The following RBFOX1 variants were observed in gnomAD, a reference collection of about 807,000 sequenced individuals.
RBFOX1 encodes the protein RNA binding protein fox-1 homolog 1.
A neutral mutation model predicts 57.7 loss-of-function variants in RBFOX1; 8 were observed. The ratio of observed to expected loss-of-function variants is 0.14; its 90% CI spans 0.08 to 0.25. The LOEUF (loss-of-function observed/expected upper bound fraction) is 0.25. Ranked by LOEUF, RBFOX1 falls within the 10% of genes least tolerant of loss-of-function variation. RBFOX1 has a pLI of 1.00. For synonymous variants in RBFOX1, 326 were observed against 222.4 expected, an observed-to-expected ratio of 1.47 and a Z score of -4.15; for missense variants, 611 against 548.5, an observed-to-expected ratio of 1.11 and a Z score of -1.14.
intron 4 of RBFOX1, among the ~76,000 whole-genome samples, chr16:7,086,203 T>C (rs2059959500): frequency 6.6e-6 from 1 of 152,184 alleles, no homozygotes; most frequent in Non-Finnish European, 1.5e-5. Flanking sequence ...GTTTACCTAA[T>C]GCTTTTTAAT....
chr16:6,805,834 T>A (rs34809247), intron 3 of RBFOX1, among the ~76,000 whole-genome samples: 32,068 of 152,078 alleles, frequency 0.21, 4,409 homozygotes, highest in Non-Finnish European at 0.31. Context: ...TCAGCATCTA[T>A]CTCCGCCTTT....
intron 3 of RBFOX1, among the ~76,000 whole-genome samples, chr16:5,745,760 A>T (rs1259427637): frequency 6.6e-6 from 1 of 152,122 alleles, no homozygotes; most frequent in Non-Finnish European, 1.5e-5. Context: ...GTGTCTGTTC[A>T]TATCCTTCAC....
intron 1 of RBFOX1, among the ~76,000 whole-genome samples, chr16:6,240,054 G>C (rs78316225): frequency 0.092 from 14,052 of 152,072 alleles, 874 homozygotes; most frequent in African/African-American, 0.17. Flanking sequence ...GAGTTCTCAT[G>C]AGATCTGGTC....
chr16:5,865,293 G>A (rs576491022), intron 3 of RBFOX1, among the ~76,000 whole-genome samples: 16 of 152,226 alleles, frequency 1.1e-4, no homozygotes, highest in African/African-American at 3.9e-4. Flanking sequence ...TGTGCTTTAC[G>A]GATGTGGCTG....
intron 1 of RBFOX1, among the ~76,000 whole-genome samples, chr16:6,047,439 T>C (rs2095506472): frequency 6.6e-6 from 1 of 152,202 alleles, no homozygotes; most frequent in East Asian, 1.9e-4. Context: ...TCCCTTTGAA[T>C]TGTGTTCCCG....
intron 2 of RBFOX1, among the ~76,000 whole-genome samples, chr16:5,517,334 G>A (rs1597373626): frequency 6.6e-6 from 1 of 152,182 alleles, no homozygotes; most frequent in Non-Finnish European, 1.5e-5. Context: ...TTTCTGCTCA[G>A]CTACTTTATT....
intron 3 of RBFOX1, among the ~76,000 whole-genome samples, chr16:5,611,049 A>G (rs1027669815): frequency 2.0e-5 from 3 of 151,878 alleles, no homozygotes; most frequent in African/African-American, 7.3e-5. Context: ...CTGTTTCCAT[A>G]TCTCCCCAGC....
intron 4 of RBFOX1, among the ~76,000 whole-genome samples, chr16:7,119,450 C>G (rs1205743358): frequency 6.6e-6 from 1 of 152,188 alleles, no homozygotes; most frequent in Middle Eastern, 3.4e-3. Flanking sequence ...AACTAGTAAA[C>G]TGACCACTGA....
chr16:6,841,179 G>C (rs891776122), intron 3 of RBFOX1, among the ~76,000 whole-genome samples: 1 of 152,012 alleles, frequency 6.6e-6, no homozygotes, highest in East Asian at 1.9e-4. Context: ...AGCCTGAACA[G>C]ACTAAGACAA....
At chr16:7,590,581 C>T (rs1215457999) in intron 7 of RBFOX1, among the ~76,000 whole-genome samples, 2 of 151,964 alleles carry the variant, frequency 1.3e-5, no homozygotes, top group Non-Finnish European at 2.9e-5. Context: ...GATATCTGGC[C>T]GTGTGCGGTG....
At chr16:6,455,836 C>T (rs952497139) in intron 2 of RBFOX1, among the ~76,000 whole-genome samples, 1 of 152,060 alleles carries the variant, frequency 6.6e-6, no homozygotes, top group South Asian at 2.1e-4. Flanking sequence ...GGTGCAGATT[C>T]AATAAACCAT....
chr16:5,999,508 G>A (rs899281648), intron 4 of RBFOX1, among the ~76,000 whole-genome samples: 1 of 152,102 alleles, frequency 6.6e-6, no homozygotes, highest in African/African-American at 2.4e-5. Flanking sequence ...ACATGCTAAG[G>A]CTTTATAAAG....
At chr16:7,549,102 G>A (rs2085522213) in intron 5 of RBFOX1, among the ~76,000 whole-genome samples, 1 of 152,246 alleles carries the variant, frequency 6.6e-6, no homozygotes, top group Non-Finnish European at 1.5e-5. Flanking sequence ...TAAGTATGAG[G>A]AGGATCCAGT....
chr16:6,845,882 C>A (rs1020278574), intron 3 of RBFOX1, among the ~76,000 whole-genome samples: 2 of 152,180 alleles, frequency 1.3e-5, no homozygotes, highest in African/African-American at 2.4e-5. Context: ...CCTTCTGATT[C>A]TTTATATCTC....
intron 4 of RBFOX1, among the ~76,000 whole-genome samples, chr16:7,182,265 A>T (rs1281861860): frequency 7.2e-5 from 11 of 152,106 alleles, no homozygotes; most frequent in African/African-American, 2.7e-4. Context: ...GTAAACAGTG[A>T]TGCTCCTCTA....
chr16:7,311,075 GC>G (rs1288095259), intron 4 of RBFOX1, among the ~76,000 whole-genome samples: 10 of 152,122 alleles, frequency 6.6e-5, no homozygotes, highest in African/African-American at 2.4e-4. Context: ...TCTTTGTGAT[GC>G]TTTTTTTTCC....
chr16:7,616,138 T>C (rs1433000781), intron 10 of RBFOX1, among the ~76,000 whole-genome samples: 1 of 152,220 alleles, frequency 6.6e-6, no homozygotes, highest in African/African-American at 2.4e-5. Context: ...GGCTCCATGA[T>C]TGATTAGAAG....
At position 6,082,239 on chromosome 16, in the gene RBFOX1, G is replaced by A. The variant is rs28391133; in HGVS notation, c.-127+62247G>A. ...TCTGTCACCCAGGCTGGAGTGTAGT[G>A]GTGCAATCTCGGCTCATTGCAACCT... is the stretch of plus-strand genomic sequence containing the variant. On this transcript the variant is annotated intron_variant, in intron 1 of 15. Transcript: ENST00000550418. Among the ~76,000 whole-genome samples, 21 of 137,596 alleles carry A rather than the reference G, an allele frequency of 1.5e-4. No individual in the cohort carries two copies. In the South Asian group the frequency reaches 5.0e-3, roughly 33 times the overall value. The allele number at this position is 137,596 out of a possible 152,430, so 90.3% of individuals were successfully genotyped here.
intron 4 of RBFOX1, among the ~76,000 whole-genome samples, chr16:7,120,466 A>G (rs955641512): frequency 2.6e-5 from 4 of 152,014 alleles, no homozygotes; most frequent in African/African-American, 4.8e-5. Flanking sequence ...AATTACAAAC[A>G]TCACATAAAT....
Sources: gnomAD v4.1 joint callset for allele counts (sites outside exome capture counted in the v4.1 genomes callset) on GRCh38, gnomAD v4.1.1 for gene constraint, MANE v1.5 for transcripts, NCBI Gene and HGNC (gene_info 2026-07-23, HGNC 2026-07-21) for gene names.